Variants in TMEM200C observed in about 807,000 individuals in gnomAD.
TMEM200C encodes the protein transmembrane protein TTMA.
For synonymous variants in TMEM200C, 462 were observed against 324.7 expected (o/e 1.42, Z -4.55); for missense variants, 966 against 699.9 (o/e 1.38, Z -4.29).
At chr18:5,887,736 G>A (rs2095166464) in exon 3 of TMEM200C, 1 of 152,212 alleles carries the variant, frequency 6.6e-6, no homozygotes, top group Admixed American at 6.5e-5. Flanking sequence ...AGTACTGAGT[G>A]AAAATTAGCA....
Position 5,892,147 on chromosome 18 carries a change from AC to A in TMEM200C, c.-85del. The A allele has an allele frequency of 7.7e-7, 1 of 1,293,860 alleles. No individual in the cohort carries two copies. Among genetic ancestry groups the A allele is most frequent in the Non-Finnish European group, 1.1e-6 (1 of 942,606 alleles). 80.1% of individuals were successfully genotyped at this position (1,293,860 alleles called of 1,614,324 possible). Reference sequence around the variant, plus strand: ...CCAACTGCCCACTAGCTGCTCAGCCACCTCCTCCTGCTGCAAAGCAGAGGAA... The same window carrying A: ...CCAACTGCCCACTAGCTGCTCAGCCACTCCTCCTGCTGCAAAGCAGAGGAA... On this transcript the variant is annotated 5_prime_UTR_variant, in exon 3 of 3. An upstream open reading frame in the 5' UTR gains an earlier in-frame stop. Transcript: ENST00000581347.
At chr18:5,890,522 G>T in exon 3 of TMEM200C, 1 of 1,501,580 alleles carries the variant, frequency 6.7e-7, no homozygotes. Context: ...TGGGGGGCGA[G>T]CCCTCCAGCC....
At chr18:5,890,505 C>T in exon 3 of TMEM200C, 1 of 1,535,346 alleles carries the variant, frequency 6.5e-7, no homozygotes, top group Non-Finnish European at 8.8e-7. Flanking sequence ...CCCGGAGTCC[C>T]GCCTGGTGGG....
exon 3 of TMEM200C, chr18:5,890,423 G>T: frequency 1.9e-6 from 3 of 1,573,606 alleles, no homozygotes; most frequent in Non-Finnish European, 2.6e-6. Context: ...AGACCGACTC[G>T]GTGGAGGTGC....
Position 5,891,898 on chromosome 18 carries a change from C to T in TMEM200C, c.166G>A (p.Ala56Thr). ...AGCAGCACCAGGATCCCACAGAGGG[C>T]GATGAGCCCTGAGATGGAGCACAGC... The change falls in exon 3 of 3, where the codon GCC becomes ACC. Residue 56 changes from alanine (A) to threonine (T), a missense_variant. Coordinates refer to ENST00000581347, the Ensembl canonical transcript of TMEM200C. This position sits in a 1 kb window ranked among gnomAD's most constrained non-coding sequence, Gnocchi z 4.7. 1 of 1,613,058 alleles carries T rather than the reference C, an allele frequency of 6.2e-7. No individual in the cohort carries two copies. Among genetic ancestry groups the T allele is most frequent in the Non-Finnish European group, 8.5e-7 (1 of 1,179,860 alleles).
chr18:5,891,029 T>C lies in TMEM200C; in HGVS notation c.1035A>G (p.Ala345=), dbSNP rs1187781382. The C allele has an allele frequency of 3.5e-6, 2 of 565,116 alleles. No individual in the cohort carries two copies. Among genetic ancestry groups the C allele is most frequent in the Non-Finnish European group, 6.1e-6 (2 of 325,894 alleles). The allele number at this position is 565,116 out of a possible 1,614,324, so 35.0% of individuals were successfully genotyped here. Residue 345 remains alanine (A), a synonymous_variant, in exon 3 of 3, where the codon GCA becomes GCG. Transcript: ENST00000581347. The surrounding 1 kb of genome is among the most constrained non-coding windows in gnomAD (Gnocchi z 4.7). ...CCGGACTGCTGCAGCTGCTAGCGGC[T>C]GCGGCGGCGGTGGCAGCGGCGGCCC...
chr18:5,889,579 C>T (rs997889276), exon 3 of TMEM200C: 2 of 152,126 alleles, frequency 1.3e-5, no homozygotes, highest in Non-Finnish European at 2.9e-5. Flanking sequence ...ACCACATAGC[C>T]TAGTAGCAAA....
chr18:5,890,919 A>C (rs1374140546), exon 3 of TMEM200C: 1 of 678,696 alleles, frequency 1.5e-6, no homozygotes, highest in Non-Finnish European at 2.7e-6. Flanking sequence ...TTGCAAGGGC[A>C]GCAGCGCGAA....
chr18:5,883,254 T>C lies in TMEM200C; in HGVS notation c.*6944A>G, dbSNP rs369573113. The stretch of plus-strand genomic sequence containing the variant: ...AGATTTTGAAGAAATCAAGTAATTA[T>C]GTGAGGAATTCAAACTAACAAAATT... On this transcript the variant is annotated 3_prime_UTR_variant, in exon 3 of 3. Coordinates refer to ENST00000581347, the Ensembl canonical transcript of TMEM200C. 2.5e-4 allele frequency: 38 copies of C among 152,268 alleles called. No homozygotes were observed. The East Asian group carries it at 2.5e-3, about 10-fold the overall frequency. The allele number at this position is 152,268 out of a possible 1,614,324, so 9.4% of individuals were successfully genotyped here.
exon 3 of TMEM200C, chr18:5,887,937 T>A (rs553930500): frequency 3.9e-5 from 6 of 152,346 alleles, no homozygotes; most frequent in African/African-American, 1.4e-4. Flanking sequence ...GATATGGAAC[T>A]AAGTTTGTGA....
exon 3 of TMEM200C, chr18:5,890,070 G>A: frequency 1.2e-6 from 1 of 849,728 alleles, no homozygotes; most frequent in South Asian, 4.0e-5. Flanking sequence ...ATAACATTCT[G>A]CAGCTCTTTG....
At position 5,891,382 on chromosome 18, in the gene TMEM200C, C is replaced by G. The variant is rs1445042642; in HGVS notation, c.682G>C (p.Ala228Pro). 7 of 1,314,180 alleles carry G rather than the reference C, an allele frequency of 5.3e-6. No homozygotes were observed. The highest frequency in any genetic ancestry group is 4.8e-6 in the Non-Finnish European group (5 of 1,037,134). The allele number at this position is 1,314,180 out of a possible 1,614,324, so 81.4% of individuals were successfully genotyped here. A position where few individuals can be genotyped will look rare whatever the true frequency, so the allele number is the denominator to read the frequency against. The change falls in exon 3 of 3, where the codon GCC becomes CCC. Residue 228 changes from alanine to proline, a missense_variant. Transcript: ENST00000581347. This position sits in a 1 kb window ranked among gnomAD's most constrained non-coding sequence, Gnocchi z 4.7. Reference sequence around the variant, plus strand: ...GCAGACGACGACGAAGAGGCGGCGGCGGCCGCGGCGGCGGCCGCGGCGGCC... The same window carrying G: ...GCAGACGACGACGAAGAGGCGGCGGGGGCCGCGGCGGCGGCCGCGGCGGCC...
chr18:5,894,106 C>T lies in TMEM200C; in HGVS notation c.-95+924G>A, dbSNP rs1161555015. ...TAGAAGCGAACTCAGACTCAGTTGG[C>T]AGGGTGGCTCTCCCACCGCAGAAAG... On this transcript the variant is annotated intron_variant, in intron 2 of 2. Transcript: ENST00000581347. 3.9e-5 allele frequency among the ~76,000 whole-genome samples: 6 copies of T among 152,034 alleles called. No individual in the cohort carries two copies. In the East Asian group the frequency reaches 1.2e-3, roughly 29 times the overall value.
Position 5,891,454 on chromosome 18 carries a change from A to G in TMEM200C, c.610T>C (p.Tyr204His). 1 of 1,554,952 alleles carries G rather than the reference A, an allele frequency of 6.4e-7. No homozygotes were observed. The highest frequency in any genetic ancestry group is 8.7e-7 in the Non-Finnish European group (1 of 1,149,730). ...CTGTGCACGTCGATGACGGTGGAGTAGAGGTCCCGCAGGTTGATGATTTTG... is the reference window on the plus strand; with the variant it reads ...CTGTGCACGTCGATGACGGTGGAGTGGAGGTCCCGCAGGTTGATGATTTTG... Residue 204 changes from tyrosine to histidine, a missense_variant, in exon 3 of 3, where the codon TAC becomes CAC. Physicochemically the swap from Tyr to His is moderately conservative, Grantham distance 83. Coordinates refer to ENST00000581347, the Ensembl canonical transcript of TMEM200C. The surrounding 1 kb of genome is among the most constrained non-coding windows in gnomAD (Gnocchi z 4.7).
At chr18:5,890,770 T>C (rs2144448475) in exon 3 of TMEM200C, 1 of 629,652 alleles carries the variant, frequency 1.6e-6, no homozygotes, top group East Asian at 3.4e-5. Context: ...GCCCCGCGCA[T>C]GCTGCCCTCT....
intron 2 of TMEM200C, among the ~76,000 whole-genome samples, chr18:5,893,055 G>A (rs72868358): frequency 0.06 from 9,180 of 152,122 alleles, 447 homozygotes; most frequent in African/African-American, 0.12. Flanking sequence ...GATTTCATCA[G>A]GGAATTTGAG....
At chr18:5,890,438 C>G (rs1270496836) in exon 3 of TMEM200C, 2 of 1,574,760 alleles carry the variant, frequency 1.3e-6, no homozygotes, top group Non-Finnish European at 8.7e-7. Context: ...AGGTGCCGGC[C>G]TCCCGCAGGG....
Position 5,891,567 on chromosome 18 carries a change from T to G in TMEM200C, c.497A>C (p.Lys166Thr). ...GCCCATGATGAGGGGCCCGAAGACC[T>G]TGAGCTTGTCAGAGTGCAGGTAGCC... Residue 166 changes from lysine (K) to threonine (T), a missense_variant, in exon 3 of 3, where the codon AAG becomes ACG. Physicochemically the swap from Lys to Thr is moderately conservative, Grantham distance 78. Coordinates refer to ENST00000581347, the Ensembl canonical transcript of TMEM200C. The surrounding 1 kb of genome is among the most constrained non-coding windows in gnomAD (Gnocchi z 4.7). 1 of 1,613,690 alleles carries G rather than the reference T, an allele frequency of 6.2e-7. No homozygotes were observed. The highest frequency in any genetic ancestry group is 2.2e-5 in the East Asian group (1 of 44,840).
At chr18:5,886,335 A>T (rs2095165338) in exon 3 of TMEM200C, 1 of 152,166 alleles carries the variant, frequency 6.6e-6, no homozygotes, top group African/African-American at 2.4e-5. Flanking sequence ...ATAAATGGAA[A>T]TGCAATAATT....
Sources: allele counts gnomAD v4.1 joint callset (sites outside exome capture counted in the v4.1 genomes callset), GRCh38; gene constraint gnomAD v4.1.1; non-coding constraint Gnocchi (gnomAD v3.1); transcripts MANE v1.5; gene names NCBI Gene and HGNC (gene_info 2026-07-23, HGNC 2026-07-21).